Variants in SRGAP2C observed in about 807,000 individuals in gnomAD.
SRGAP2C encodes SLIT-ROBO Rho GTPase activating protein 2C.
SRGAP2C carries 15 observed loss-of-function variants against 25.1 expected under a neutral mutation model. That is an observed-to-expected ratio of 0.60 (90% CI 0.40 to 0.92). The LOEUF (loss-of-function observed/expected upper bound fraction) is 0.92. Ranked by LOEUF, SRGAP2C falls within the 40% of genes least tolerant of loss-of-function variation. The pLI is 0.00. For missense variants in SRGAP2C, 144 were observed against 264.4 expected (o/e 0.54, Z 3.16); for synonymous variants, 44 against 96.6 (o/e 0.46, Z 3.19).
chr1:121,304,948 G>A (rs1266701766), intron 3 of SRGAP2C, among the ~76,000 whole-genome samples: 24 of 152,226 alleles, frequency 1.6e-4, no homozygotes, highest in East Asian at 9.7e-4. Context: ...AAAAGATGGC[G>A]CAGATTCAGG....
chr1:121,235,122 C>A (rs1315730723), intron 2 of SRGAP2C, among the ~76,000 whole-genome samples: 1 of 146,410 alleles, frequency 6.8e-6, no homozygotes, highest in Non-Finnish European at 1.5e-5. Context: ...CCCGGGTTCA[C>A]GCCATTCTCC....
intron 4 of SRGAP2C, among the ~76,000 whole-genome samples, chr1:121,334,456 TTTTG>T (rs1290122127): frequency 2.0e-4 from 30 of 150,352 alleles, no homozygotes; most frequent in Admixed American, 1.4e-3. Context: ...TATATCATCT[TTTTG>T]TTTGTTTGTT....
intron 2 of SRGAP2C, among the ~76,000 whole-genome samples, chr1:121,279,733 A>C (rs1348208101): frequency 3.5e-5 from 5 of 141,224 alleles, no homozygotes; most frequent in African/African-American, 1.1e-4. Context: ...TTGAATTCAC[A>C]TATAAAAACA....
intron 2 of SRGAP2C, among the ~76,000 whole-genome samples, chr1:121,189,750 A>G (rs1232047443): frequency 1.0e-5 from 1 of 96,930 alleles, no homozygotes; most frequent in Non-Finnish European, 2.0e-5. Flanking sequence ...AAATCTGTCA[A>G]TGAATAATAA....
chr1:121,332,238 C>T (rs1658449105), intron 4 of SRGAP2C, among the ~76,000 whole-genome samples: 1 of 92,406 alleles, frequency 1.1e-5, no homozygotes, highest in Non-Finnish European at 2.2e-5. Context: ...ATCACTGCTG[C>T]ACTGTTTTCC....
intron 2 of SRGAP2C, among the ~76,000 whole-genome samples, chr1:121,207,967 A>T (rs1655157390): frequency 6.6e-6 from 1 of 152,028 alleles, no homozygotes; most frequent in East Asian, 1.9e-4. Context: ...CTTGGGTACC[A>T]GTGGTAGCTC....
intron 3 of SRGAP2C, among the ~76,000 whole-genome samples, chr1:121,309,729 CA>C (rs1657938171): frequency 3.1e-5 from 3 of 97,876 alleles, no homozygotes; most frequent in Non-Finnish European, 6.2e-5. Context: ...CAATTTCATC[CA>C]TGTCCCTACA....
intron 2 of SRGAP2C, among the ~76,000 whole-genome samples, chr1:121,271,670 T>C (rs1454509064): frequency 1.1e-5 from 1 of 93,680 alleles, no homozygotes; most frequent in Non-Finnish European, 2.1e-5. Context: ...TAAAAAGTTA[T>C]AGAAAATATC....
intron 4 of SRGAP2C, among the ~76,000 whole-genome samples, chr1:121,328,432 T>A (rs1361477411): frequency 6.6e-6 from 1 of 152,086 alleles, no homozygotes; most frequent in African/African-American, 2.4e-5. Context: ...AAAATTATGA[T>A]AATAGAAGTC....
intron 3 of SRGAP2C, among the ~76,000 whole-genome samples, chr1:121,294,000 A>G: frequency 1.0e-5 from 1 of 98,136 alleles, no homozygotes; most frequent in South Asian, 4.2e-4. Context: ...GTATTTTCTT[A>G]CAGTTCTAAG....
intron 4 of SRGAP2C, among the ~76,000 whole-genome samples, chr1:121,345,814 C>T (rs1658730720): frequency 6.7e-6 from 1 of 149,864 alleles, no homozygotes; most frequent in South Asian, 2.1e-4. Flanking sequence ...ACATGCCTGG[C>T]TGATTTTTGT....
At chr1:121,328,647 TG>T (rs1658366679) in intron 4 of SRGAP2C, among the ~76,000 whole-genome samples, 1 of 137,920 alleles carries the variant, frequency 7.3e-6, no homozygotes, top group South Asian at 2.4e-4. Flanking sequence ...GAGGTTGAGG[TG>T]GGAGGATCGC....
intron 4 of SRGAP2C, among the ~76,000 whole-genome samples, chr1:121,335,839 C>T (rs1241281709): frequency 5.3e-5 from 8 of 150,846 alleles, no homozygotes; most frequent in Non-Finnish European, 1.0e-4. Flanking sequence ...TTTTACATGC[C>T]TACTAATCTT....
chr1:121,370,973 C>CT (rs1170181037), intron 5 of SRGAP2C, among the ~76,000 whole-genome samples: 20 of 151,194 alleles, frequency 1.3e-4, no homozygotes, highest in Admixed American at 5.3e-4. Flanking sequence ...ATTTTAGAAC[C>CT]TTTTTTTTCC....
chr1:121,216,974 A>T (rs1553324805), intron 2 of SRGAP2C, among the ~76,000 whole-genome samples: 2 of 148,068 alleles, frequency 1.4e-5, no homozygotes, highest in Non-Finnish European at 3.0e-5. Context: ...GCCTATTTTT[A>T]ACTGTCTCTG....
chr1:121,278,291 CTATCAG>C (rs1446092773), intron 2 of SRGAP2C, among the ~76,000 whole-genome samples: 1 of 150,702 alleles, frequency 6.6e-6, no homozygotes, highest in Non-Finnish European at 1.5e-5. Flanking sequence ...CAGAAAAAGA[CTATCAG>C]TCACACTCTT....
intron 2 of SRGAP2C, among the ~76,000 whole-genome samples, chr1:121,257,113 T>G (rs1553332586): frequency 5.6e-5 from 1 of 17,982 alleles, no homozygotes; most frequent in Non-Finnish European, 9.8e-5. Context: ...TTTTTTAAAT[T>G]TAAATTTTTT....
intron 3 of SRGAP2C, among the ~76,000 whole-genome samples, chr1:121,305,980 G>A (rs1245281537): frequency 2.0e-5 from 3 of 152,282 alleles, no homozygotes; most frequent in East Asian, 3.9e-4. Flanking sequence ...GGACTGTGTT[G>A]ATAATCAAGC....
chr1:121,226,382 C>G (rs1655670638), intron 2 of SRGAP2C, among the ~76,000 whole-genome samples: 1 of 149,550 alleles, frequency 6.7e-6, no homozygotes, highest in South Asian at 2.1e-4. Context: ...CAACTGTTAA[C>G]TTGGTGAACA....
Sources: gnomAD v4.1 joint callset for allele counts (sites outside exome capture counted in the v4.1 genomes callset) on GRCh38, gnomAD v4.1.1 for gene constraint, MANE v1.5 for transcripts, NCBI Gene and HGNC (gene_info 2026-07-23, HGNC 2026-07-21) for gene names.